Variants in IL1R1 observed in about 807,000 individuals in gnomAD.
The protein encoded by IL1R1 is interleukin 1 receptor type 1, also known as interleukin-1 receptor type 1.
A neutral mutation model predicts 50.2 loss-of-function variants in IL1R1; 22 were observed. That is an observed-to-expected ratio of 0.44 (90% CI 0.31 to 0.63). The LOEUF (loss-of-function observed/expected upper bound fraction) is 0.63. Among genes scored for constraint, IL1R1 ranks in the 20% least tolerant of loss-of-function variants. The probability of loss-of-function intolerance (pLI) is 0.07; values close to 1 mark genes in which losing one functional copy is unlikely to be tolerated. For missense variants in IL1R1, 509 were observed against 676.2 expected (o/e 0.75, Z 2.74); for synonymous variants, 251 against 236.7 (o/e 1.06, Z -0.55).
At chr2:102,149,253 TA>T (rs1414526792) in intron 1 of IL1R1, among the ~76,000 whole-genome samples, 1 of 152,230 alleles carries the variant, frequency 6.6e-6, no homozygotes, top group African/African-American at 2.4e-5. Context: ...GGGGCTGTAT[TA>T]AATGATGCTG....
At position 102,166,376 on chromosome 2, in the gene IL1R1, T is replaced by C. The variant is rs186736584; in HGVS notation, c.655+95T>C. ...TTTCATTATCCATGAAGAAACCAAA[T>C]CCAAGACGACCTCAATGATACCACA... On this transcript the variant is annotated intron_variant, in intron 6 of 11. Coordinates refer to ENST00000410023, the MANE Select transcript of IL1R1 (RefSeq NM_000877.4). The C allele has an allele frequency of 1.3e-5, 12 of 931,544 alleles. No individual in the cohort carries two copies. In the East Asian group the frequency reaches 2.6e-4, roughly 20 times the overall value. The allele number at this position is 931,544 out of a possible 1,614,324, so 57.7% of individuals were successfully genotyped here.
intron 1 of IL1R1, among the ~76,000 whole-genome samples, chr2:102,071,485 T>G (rs1454085459): frequency 6.6e-6 from 1 of 152,246 alleles, no homozygotes; most frequent in African/African-American, 2.4e-5. Flanking sequence ...TGTGTCATAA[T>G]GTATTTATTC....
At chr2:102,093,015 C>T (rs1468153054) in intron 1 of IL1R1, among the ~76,000 whole-genome samples, 1 of 152,148 alleles carries the variant, frequency 6.6e-6, no homozygotes, top group African/African-American at 2.4e-5. Flanking sequence ...CTTGAAGGTG[C>T]TGATTAGCAG....
At chr2:102,113,847 T>G (rs887998) in intron 1 of IL1R1, among the ~76,000 whole-genome samples, 1 of 152,130 alleles carries the variant, frequency 6.6e-6, no homozygotes, top group East Asian at 1.9e-4. Context: ...TTATGATTTT[T>G]GATTTGTCTC....
chr2:102,178,730 ACT>A lies in IL1R1; in HGVS notation c.*1974_*1975del. Reference sequence around the variant, plus strand: ...AAATTGTGTTTAGATTTTATGAAAAACTCTTCTACTTTCATCTATTCTTTCCC... The same window carrying A: ...AAATTGTGTTTAGATTTTATGAAAAACTTCTACTTTCATCTATTCTTTCCC... On this transcript the variant is annotated 3_prime_UTR_variant, in exon 12 of 12. Coordinates refer to ENST00000410023, the MANE Select transcript of IL1R1 (RefSeq NM_000877.4). 6.6e-6 allele frequency: 1 copy of A among 152,026 alleles called. No homozygotes were observed. Among genetic ancestry groups the A allele is most frequent in the East Asian group, 1.9e-4 (1 of 5,304 alleles). The allele number at this position is 152,026 out of a possible 1,614,324, so 9.4% of individuals were successfully genotyped here.
chr2:102,078,633 ATG>A (rs1204381508), intron 1 of IL1R1, among the ~76,000 whole-genome samples: 1 of 151,526 alleles, frequency 6.6e-6, no homozygotes, highest in Non-Finnish European at 1.5e-5. Context: ...CCATGCCCAG[ATG>A]GTTTCACTGG....
intron 11 of IL1R1, 99 bp downstream of exon 11, chr2:102,175,744 T>C (rs1238762198): frequency 4.6e-6 from 5 of 1,092,806 alleles, no homozygotes; most frequent in African/African-American, 3.1e-5. Flanking sequence ...TAGGGGTATA[T>C]GTTTCACAAT....
chr2:102,165,006 A>G lies in IL1R1; in HGVS notation c.294A>G (p.Val98=), dbSNP rs144946641. 738 of 1,611,344 alleles carry G rather than the reference A, an allele frequency of 4.6e-4. 5 individuals carry two copies. The African/African-American group carries it at 8.2e-3, about 18-fold the overall frequency. ...VEDSGHYYCV[V]RNSSYCLRIK... ...ATTCAGGACATTACTATTGCGTGGT[A>G]AGGTAAGAGAGGAATTAGTATGTTA... Residue 98 remains valine, a splice_region_variant and synonymous_variant, in exon 4 of 12, where the codon GTA becomes GTG. Coordinates refer to ENST00000410023, the MANE Select transcript of IL1R1 (RefSeq NM_000877.4).
Position 102,174,552 on chromosome 2 carries a change from A to T in IL1R1, c.992-35A>T, listed in dbSNP as rs748323960. 6 of 1,507,426 alleles carry T rather than the reference A, an allele frequency of 4.0e-6. No homozygotes were observed. The African/African-American group carries it at 7.1e-5, about 18-fold the overall frequency. The allele number at this position is 1,507,426 out of a possible 1,614,324, so 93.4% of individuals were successfully genotyped here. A position where few individuals can be genotyped will look rare whatever the true frequency, so the allele number is the denominator to read the frequency against. On this transcript the variant is annotated intron_variant, in intron 9 of 11. Transcript: ENST00000410023. ...AAAGTTTTAATTCTTTTTGGTTCTA[A>T]TATTTTTTCTCCTTTTTTTTTCTTT...
At chr2:102,108,244 G>T (rs78411086) in intron 1 of IL1R1, among the ~76,000 whole-genome samples, 134 of 145,988 alleles carry the variant, frequency 9.2e-4, no homozygotes, top group African/African-American at 3.4e-3. Context: ...GTGTGTGTGG[G>T]GGGGGGTGTG....
intron 1 of IL1R1, among the ~76,000 whole-genome samples, chr2:102,095,332 A>G (rs1679851552): frequency 6.6e-6 from 1 of 152,236 alleles, no homozygotes; most frequent in Non-Finnish European, 1.5e-5. Flanking sequence ...ATCTGTTAGG[A>G]AAAAACTTCC....
intron 5 of IL1R1, 45 bp from the exon 6 acceptor site, chr2:102,166,068 G>A (rs558814772): frequency 1.3e-6 from 2 of 1,539,316 alleles, no homozygotes; most frequent in Admixed American, 1.8e-5. Context: ...ATTGGGGAAA[G>A]TTATTGGTTA....
At chr2:102,124,463 G>T (rs1467416083) in intron 1 of IL1R1, among the ~76,000 whole-genome samples, 1 of 150,926 alleles carries the variant, frequency 6.6e-6, no homozygotes, top group African/African-American at 2.4e-5. Context: ...TTGAGACTGG[G>T]TAATTTATAA....
chr2:102,175,680 G>T (rs758129622), intron 11 of IL1R1, 35 bp downstream of exon 11: 2 of 1,587,096 alleles, frequency 1.3e-6, no homozygotes, highest in Admixed American at 3.3e-5. Context: ...AAGGCTTATT[G>T]TTGTAAAACT....
At position 102,176,837 on chromosome 2, in the gene IL1R1, T is replaced by G; in HGVS notation, c.*78T>G. The stretch of plus-strand genomic sequence containing the variant: ...AGGCCAGGTTATGCCTCATGCTGAC[T>G]TGCAGAGTTCATGGAATGTAACTAT... On this transcript the variant is annotated 3_prime_UTR_variant, in exon 12 of 12. Coordinates refer to ENST00000410023, the MANE Select transcript of IL1R1 (RefSeq NM_000877.4). 1.5e-6 allele frequency: 2 copies of G among 1,330,662 alleles called. No homozygotes were observed. Among genetic ancestry groups the G allele is most frequent in the Non-Finnish European group, 2.1e-6 (2 of 948,356 alleles). 82.4% of individuals were successfully genotyped at this position (1,330,662 alleles called of 1,614,324 possible).
intron 1 of IL1R1, among the ~76,000 whole-genome samples, chr2:102,144,644 T>A (rs1682958177): frequency 6.6e-6 from 1 of 152,146 alleles, no homozygotes. Context: ...AAAACCTCTG[T>A]CCCCTTATGG....
Position 102,125,870 on chromosome 2 carries a change from G to A in IL1R1, c.-84+20998G>A, listed in dbSNP as rs141923327. On this transcript the variant is annotated intron_variant, in intron 1 of 10. Coordinates refer to the IL1R1 transcript ENST00000409329. ...GCAATAAGACACGGAATTTGAAATGGTTCTTCCCAGAAGACTTATTGCTGA... is the reference window on the plus strand; with the variant it reads ...GCAATAAGACACGGAATTTGAAATGATTCTTCCCAGAAGACTTATTGCTGA... 6.2e-4 allele frequency among the ~76,000 whole-genome samples: 94 copies of A among 152,330 alleles called. 1 individual carries two copies. The highest frequency in any genetic ancestry group is 2.2e-3 in the African/African-American group (93 of 41,572).
rs116455193 is a variant in IL1R1, at chr2:102,152,192, G to A, written c.-83-1749G>A. On this transcript the variant is annotated intron_variant, in intron 1 of 11. Coordinates refer to ENST00000410023, the MANE Select transcript of IL1R1 (RefSeq NM_000877.4). ...AAGTGAAGTTTCTGGGGCAGAAAAG[G>A]AGGGAAAATGAGGCCATTAGAAGAG... 8.5e-3 allele frequency among the ~76,000 whole-genome samples: 1,293 copies of A among 152,128 alleles called. 14 individuals are homozygous for A. Among genetic ancestry groups the A allele is most frequent in the African/African-American group, 0.028 (1,149 of 41,518 alleles).
chr2:102,144,419 C>G (rs574005093), intron 1 of IL1R1, among the ~76,000 whole-genome samples: 1 of 152,234 alleles, frequency 6.6e-6, no homozygotes, highest in East Asian at 1.9e-4. Context: ...AGCAGCACCC[C>G]CATTTCTAAT....
Sources: allele counts gnomAD v4.1 joint callset (sites outside exome capture counted in the v4.1 genomes callset), GRCh38; gene constraint gnomAD v4.1.1; transcripts MANE v1.5; gene names NCBI Gene and HGNC (gene_info 2026-07-23, HGNC 2026-07-21).